CERS6: variants seen among roughly 807,000 people sequenced by gnomAD.
CERS6 encodes LAG1 homolog, ceramide synthase 6.
A neutral mutation model predicts 56.8 loss-of-function variants in CERS6; 26 were observed. The ratio of observed to expected loss-of-function variants is 0.46; its 90% confidence interval spans 0.34 to 0.63. The LOEUF (loss-of-function observed/expected upper bound fraction) is 0.63, where lower values mean the gene tolerates loss of function less well. Ranked by LOEUF, CERS6 falls within the 30% of genes least tolerant of loss-of-function variation. The pLI is 0.01. For synonymous variants in CERS6, 164 were observed against 173.3 expected (o/e 0.95, Z 0.42); for missense variants, 415 against 467.5 (o/e 0.89, Z 1.04).
rs572793739 is a variant in CERS6, at chr2:168,643,774, C to T, written c.465+12732C>T. Reference sequence around the variant, plus strand: ...CTAATCTCTACTTCTGTCATCAGTTCGCCTTCTCTTTTGTAGTCAAACCTC... The same window carrying T: ...CTAATCTCTACTTCTGTCATCAGTTTGCCTTCTCTTTTGTAGTCAAACCTC... On this transcript the variant is annotated intron_variant, in intron 4 of 9. Transcript: ENST00000305747. Among the ~76,000 whole-genome samples, 9 of 152,254 alleles carry T rather than the reference C, an allele frequency of 5.9e-5. No homozygotes were observed. The East Asian group carries it at 1.5e-3, about 26-fold the overall frequency.
intron 3 of CERS6, among the ~76,000 whole-genome samples, chr2:168,617,554 C>T (rs1684346876): frequency 6.6e-6 from 1 of 152,042 alleles, no homozygotes; most frequent in Non-Finnish European, 1.5e-5. Flanking sequence ...GGAGGTATTA[C>T]AACTGACACT....
chr2:168,732,846 A>G (rs1283590893), intron 8 of CERS6, among the ~76,000 whole-genome samples: 1 of 152,120 alleles, frequency 6.6e-6, no homozygotes, highest in African/African-American at 2.4e-5. Flanking sequence ...GTCATTGTTT[A>G]TTTTTATCTT....
In CERS6 at chr2:168,739,109, A is replaced by C. The variant is rs548589981; in HGVS notation, c.845+21131A>C. ...ATTTTAGTAGAGACGGGGTTTCACC[A>C]TGTTTCCCAGGCTGGTCTCAAATTC... On this transcript the variant is annotated intron_variant, in intron 8 of 9. Coordinates refer to ENST00000305747, the MANE Select transcript of CERS6 (RefSeq NM_203463.3). Among the ~76,000 whole-genome samples the C allele has an allele frequency of 4.5e-4, 48 of 105,686 alleles. 1 individual carries two copies. In the South Asian group the frequency reaches 7.6e-3, roughly 17 times the overall value. The allele number at this position is 105,686 out of a possible 152,430, so 69.3% of individuals were successfully genotyped here. A position where few individuals can be genotyped will look rare whatever the true frequency, so the allele number is the denominator to read the frequency against.
chr2:168,648,182 G>A (rs1685250793), intron 4 of CERS6, among the ~76,000 whole-genome samples: 1 of 152,056 alleles, frequency 6.6e-6, no homozygotes, highest in African/African-American at 2.4e-5. Context: ...ATTTATTACT[G>A]ATTCCATTTC....
intron 1 of CERS6, among the ~76,000 whole-genome samples, chr2:168,498,541 G>A (rs1694516372): frequency 6.6e-6 from 1 of 152,174 alleles, no homozygotes; most frequent in Non-Finnish European, 1.5e-5. Context: ...TTCACGAGAG[G>A]GTGGCCTGCA....
chr2:168,644,822 G>A (rs181454270), intron 4 of CERS6, among the ~76,000 whole-genome samples: 4 of 151,832 alleles, frequency 2.6e-5, no homozygotes, highest in East Asian at 1.9e-4. Flanking sequence ...GGCTGGGCGC[G>A]GTGGCTCATG....
At position 168,770,669 on chromosome 2, in the gene CERS6, C is replaced by G. The variant is rs1009179436; in HGVS notation, c.*1007C>G. On this transcript the variant is annotated 3_prime_UTR_variant, in exon 10 of 10. Coordinates refer to ENST00000305747, the MANE Select transcript of CERS6 (RefSeq NM_203463.3). ...AAGATTACCTGTGCAGTGCAGAGCACTTTAATGCAACCAGCTTTCAAGAAA... is the reference window on the plus strand; with the variant it reads ...AAGATTACCTGTGCAGTGCAGAGCAGTTTAATGCAACCAGCTTTCAAGAAA... 6.5e-6 allele frequency: 1 copy of G among 152,750 alleles called. No individual in the cohort carries two copies. Among genetic ancestry groups the G allele is most frequent in the South Asian group, 2.1e-4 (1 of 4,822 alleles). 9.5% of individuals were successfully genotyped at this position (152,750 alleles called of 1,614,324 possible). A position where few individuals can be genotyped will look rare whatever the true frequency, so the allele number is the denominator to read the frequency against.
At chr2:168,710,934 C>T (rs1186521093) in intron 6 of CERS6, among the ~76,000 whole-genome samples, 1 of 152,202 alleles carries the variant, frequency 6.6e-6, no homozygotes, top group Non-Finnish European at 1.5e-5. Flanking sequence ...TCAGTTCTGC[C>T]ATGGGCAGTT....
rs1398711568 is a variant in CERS6 at position 168,631,022 on chromosome 2, G to A, written c.445G>A (p.Gly149Arg). 5 of 1,527,404 alleles carry A rather than the reference G, an allele frequency of 3.3e-6. No homozygotes were observed. Among genetic ancestry groups the A allele is most frequent in the Non-Finnish European group, 2.7e-6 (3 of 1,120,128 alleles). 94.6% of individuals were successfully genotyped at this position (1,527,404 alleles called of 1,614,324 possible). The change falls in exon 4 of 10, where the codon GGA (glycine) becomes AGA (arginine). Residue 149 changes from glycine to arginine, a missense_variant. Transcript: ENST00000305747. ...FSFYLYVFTY[G>R]VRFLKKTPWL... is the part of the protein sequence containing the mutation. ...ATTTTACCTTTATGTATTTACCTAC[G>A]GAGTCAGATTCCTGAAAAAGGTAGG...
intron 4 of CERS6, among the ~76,000 whole-genome samples, chr2:168,670,540 C>G (rs1228514769): frequency 6.6e-6 from 1 of 152,188 alleles, no homozygotes; most frequent in Non-Finnish European, 1.5e-5. Flanking sequence ...CTTTTGTCTT[C>G]TCTTATTCAT....
intron 8 of CERS6, among the ~76,000 whole-genome samples, chr2:168,735,674 A>G (rs1176526462): frequency 1.3e-5 from 2 of 151,804 alleles, no homozygotes; most frequent in African/African-American, 4.8e-5. Flanking sequence ...TCAGGAGTTC[A>G]AGACCAGCCT....
chr2:168,638,233 G>T (rs1684906579), intron 4 of CERS6, among the ~76,000 whole-genome samples: 1 of 152,076 alleles, frequency 6.6e-6, no homozygotes, highest in African/African-American at 2.4e-5. Context: ...ACTGGGTATA[G>T]AAATTCCTTT....
chr2:168,568,601 C>T (rs1372987829), intron 3 of CERS6, among the ~76,000 whole-genome samples: 1 of 152,166 alleles, frequency 6.6e-6, no homozygotes, highest in African/African-American at 2.4e-5. Context: ...GGTGCCCACA[C>T]TAATGCTTAC....
chr2:168,741,373 T>TAAAAAAAAA (rs200311434), intron 8 of CERS6, among the ~76,000 whole-genome samples: 1 of 147,078 alleles, frequency 6.8e-6, no homozygotes, highest in Non-Finnish European at 1.5e-5. Flanking sequence ...TTTGGAGAAT[T>TAAAAAAAAA]AAAAAAAAAA....
chr2:168,531,744 C>T (rs1320941540), intron 1 of CERS6, among the ~76,000 whole-genome samples: 1 of 151,456 alleles, frequency 6.6e-6, no homozygotes, highest in Non-Finnish European at 1.5e-5. Context: ...TTGCTTGAAC[C>T]TGAGAGGTGG....
chr2:168,604,844 C>G (rs1001875671), intron 3 of CERS6, among the ~76,000 whole-genome samples: 1 of 152,156 alleles, frequency 6.6e-6, no homozygotes, highest in Non-Finnish European at 1.5e-5. Context: ...CCAATTAAAC[C>G]TCTTTTCTTT....
intron 3 of CERS6, among the ~76,000 whole-genome samples, chr2:168,588,495 G>A (rs1217035011): frequency 6.6e-6 from 1 of 152,030 alleles, no homozygotes; most frequent in African/African-American, 2.4e-5. Flanking sequence ...CTTTATATAA[G>A]TGGAATCACA....
At chr2:168,554,910 G>C (rs1695648262) in intron 2 of CERS6, among the ~76,000 whole-genome samples, 1 of 152,100 alleles carries the variant, frequency 6.6e-6, no homozygotes, top group Non-Finnish European at 1.5e-5. Context: ...AATCATATAT[G>C]TATTAAATAT....
At chr2:168,729,609 G>T (rs1683460922) in intron 8 of CERS6, among the ~76,000 whole-genome samples, 1 of 152,074 alleles carries the variant, frequency 6.6e-6, no homozygotes, top group Admixed American at 6.6e-5. Flanking sequence ...CAGAGTGCAG[G>T]GCTCTGTGGT....
Sources: allele counts gnomAD v4.1 joint callset (sites outside exome capture counted in the v4.1 genomes callset), GRCh38; gene constraint gnomAD v4.1.1; transcripts MANE v1.5; gene names NCBI Gene and HGNC (gene_info 2026-07-23, HGNC 2026-07-21).